Variants in BANP observed in about 807,000 individuals in gnomAD.
The protein encoded by BANP is protein BANP.
Under a neutral mutation model 68.1 loss-of-function variants are expected in BANP, and 11 were observed. The observed-to-expected ratio is 0.16, with a 90% CI of 0.10 to 0.27. The LOEUF (loss-of-function observed/expected upper bound fraction) is 0.27, where lower values mean the gene tolerates loss of function less well. Ranked by LOEUF, BANP falls within the 10% of genes least tolerant of loss-of-function variation. The pLI is 1.00. For synonymous variants in BANP, 329 were observed against 303.2 expected (o/e 1.09, Z -0.88); for missense variants, 504 against 722.7 (o/e 0.70, Z 3.47).
chr16:88,037,667 T>C, intron 10 of BANP: 4 of 398,166 alleles, frequency 1.0e-5, no homozygotes, highest in South Asian at 7.3e-5. Context: ...TCTGTACTTT[T>C]TGTGAGTCAG....
chr16:87,995,214 C>T (rs1354383591), intron 4 of BANP, among the ~76,000 whole-genome samples: 3 of 152,332 alleles, frequency 2.0e-5, no homozygotes, highest in East Asian at 1.9e-4. Flanking sequence ...CGGGGGCTCC[C>T]GGGACAGCCC....
chr16:88,056,153 T>C (rs1598944895), intron 11 of BANP, among the ~76,000 whole-genome samples: 1 of 151,936 alleles, frequency 6.6e-6, no homozygotes, highest in Non-Finnish European at 1.5e-5. Context: ...ACTGGAGGGG[T>C]CCTTGTGGCC....
At position 87,957,948 on chromosome 16, in the gene BANP, C is replaced by T. The variant is rs536424894; in HGVS notation, c.-69+6433C>T. Among the ~76,000 whole-genome samples, 2 of 152,272 alleles carry T rather than the reference C, an allele frequency of 1.3e-5. No individual in the cohort carries two copies. The highest frequency in any genetic ancestry group is 4.8e-5 in the African/African-American group (2 of 41,538). On this transcript the variant is annotated intron_variant, in intron 1 of 13. Transcript: ENST00000682872. The surrounding 1 kb of genome is among the most constrained non-coding windows in gnomAD (Gnocchi z 4.3). ...TGGGAGCTGGCGGTGGGTCCCTGAG[C>T]AGAGTGCTGCCGCTGCCAGTCTGCG...
intron 7 of BANP, among the ~76,000 whole-genome samples, chr16:88,023,310 GTC>G (rs1232892783): frequency 6.6e-6 from 1 of 152,130 alleles, no homozygotes; most frequent in Non-Finnish European, 1.5e-5. Context: ...GAGGACAGGT[GTC>G]TCTCCATCAT....
chr16:88,062,887 G>A (rs1014859923), intron 11 of BANP, among the ~76,000 whole-genome samples: 11 of 152,142 alleles, frequency 7.2e-5, no homozygotes, highest in South Asian at 2.1e-4. Flanking sequence ...CCATCCTACC[G>A]GCAGCAGCAT....
At chr16:87,981,185 A>G (rs1446747739) in intron 3 of BANP, 58 bp downstream of exon 3, 13 of 1,253,196 alleles carry the variant, frequency 1.0e-5, no homozygotes, top group African/African-American at 3.0e-5. Context: ...AAGGGCTGCT[A>G]TAACAAATCA....
Position 88,054,280 on chromosome 16 carries a change from A to G in BANP, c.1312-10987A>G, listed in dbSNP as rs551014408. Among the ~76,000 whole-genome samples the G allele has an allele frequency of 2.9e-4, 6 of 20,656 alleles. 1 individual carries two copies. The South Asian group carries it at 0.01, about 35-fold the overall frequency. 13.6% of individuals were successfully genotyped at this position (20,656 alleles called of 152,430 possible). On this transcript the variant is annotated intron_variant, in intron 11 of 13. Coordinates refer to ENST00000682872, the MANE Select transcript of BANP (RefSeq NM_001386991.1). ...CTTCACCACCACCACCACCTCTACCACTGTCATCTCCATCATCATCACCAA... is the reference window on the plus strand; with the variant it reads ...CTTCACCACCACCACCACCTCTACCGCTGTCATCTCCATCATCATCACCAA...
chr16:88,052,363 G>A (rs1225621069), intron 11 of BANP, among the ~76,000 whole-genome samples: 2 of 152,124 alleles, frequency 1.3e-5, no homozygotes, highest in Admixed American at 1.3e-4. Context: ...GTCTTCACCT[G>A]TCTTGCATTT....
At chr16:88,061,041 G>A (rs144118711) in intron 11 of BANP, among the ~76,000 whole-genome samples, 48 of 152,162 alleles carry the variant, frequency 3.2e-4, no homozygotes, top group African/African-American at 1.1e-3. Context: ...CTGCTGGAAG[G>A]GGGGGTGGGC....
chr16:88,066,063 A>G (rs2088490493), intron 12 of BANP, among the ~76,000 whole-genome samples: 1 of 152,108 alleles, frequency 6.6e-6, no homozygotes, highest in South Asian at 2.1e-4. Context: ...TCGTCCCACT[A>G]CTGCGGCAGG....
At chr16:87,979,165 GGACAGTC>G (rs2062786160) in intron 2 of BANP, among the ~76,000 whole-genome samples, 1 of 152,224 alleles carries the variant, frequency 6.6e-6, no homozygotes, top group African/African-American at 2.4e-5. Flanking sequence ...TTAAAGGCAT[GGACAGTC>G]TTTTTTGTTT....
chr16:88,022,338 CGATCTCGTCT>C (rs2076184482), intron 7 of BANP, among the ~76,000 whole-genome samples: 1 of 152,218 alleles, frequency 6.6e-6, no homozygotes. Flanking sequence ...TGAACACACC[CGATCTCGTCT>C]GATCTAAAGA....
At chr16:87,951,158 AAAG>A (rs1284074755), upstream of BANP, among the ~76,000 whole-genome samples, 1 of 152,238 alleles carries the variant, frequency 6.6e-6, no homozygotes, top group Non-Finnish European at 1.5e-5. Flanking sequence ...ATTCCGTCTC[AAAG>A]AAGATGCAAA....
intron 12 of BANP, among the ~76,000 whole-genome samples, chr16:88,067,497 G>A (rs1290656487): frequency 6.6e-6 from 1 of 152,210 alleles, no homozygotes; most frequent in Non-Finnish European, 1.5e-5. Context: ...GCTCTAGGCC[G>A]GCCCCACCTC....
rs1401313190 is a variant in BANP at position 87,981,061 on chromosome 16, A to G, written c.96A>G (p.Thr32=). The change falls in exon 3 of 14, where the codon ACA becomes ACG. Residue 32 remains threonine (T), a synonymous_variant. Coordinates refer to ENST00000682872, the MANE Select transcript of BANP (RefSeq NM_001386991.1). Reference sequence around the variant, plus strand: ...TTGTTTTGGAGAATCATGTAGTGACAGATGAAGACGAACCTGCTTTGAAAC... The same window carrying G: ...TTGTTTTGGAGAATCATGTAGTGACGGATGAAGACGAACCTGCTTTGAAAC... ...HPVVLENHVV[T]DEDEPALKRQ... The G allele has an allele frequency of 1.9e-6, 3 of 1,613,956 alleles. No individual in the cohort carries two copies. The highest frequency in any genetic ancestry group is 2.5e-6 in the Non-Finnish European group (3 of 1,179,856).
At chr16:88,032,120 A>G (rs114258466) in intron 8 of BANP, among the ~76,000 whole-genome samples, 195 of 151,788 alleles carry the variant, frequency 1.3e-3, no homozygotes, top group African/African-American at 4.6e-3. Context: ...CTCTTTAATA[A>G]TCAATAATTT....
chr16:88,060,709 T>C (rs1358138118), intron 11 of BANP, among the ~76,000 whole-genome samples: 1 of 151,994 alleles, frequency 6.6e-6, no homozygotes, highest in Non-Finnish European at 1.5e-5. Context: ...CCCCTCGAGG[T>C]GTGAAATTGG....
At chr16:87,964,923 G>T (rs2059773106) in intron 1 of BANP, among the ~76,000 whole-genome samples, 1 of 152,208 alleles carries the variant, frequency 6.6e-6, no homozygotes, top group East Asian at 1.9e-4. Flanking sequence ...GTTTGGACAT[G>T]TTAGAATTGA....
intron 1 of BANP, among the ~76,000 whole-genome samples, chr16:87,962,772 G>A (rs150460370): frequency 1.3e-5 from 2 of 152,222 alleles, no homozygotes; most frequent in East Asian, 1.9e-4. Context: ...CTGATTTCCC[G>A]CCTATCTAGC....
Sources: gnomAD v4.1 joint callset for allele counts (sites outside exome capture counted in the v4.1 genomes callset) on GRCh38, gnomAD v4.1.1 for gene constraint, Gnocchi (gnomAD v3.1) non-coding constraint, MANE v1.5 for transcripts, NCBI Gene and HGNC (gene_info 2026-07-23, HGNC 2026-07-21) for gene names.